Variants in SYNE2 observed in about 807,000 individuals in gnomAD.
SYNE2 encodes nesprin-2.
A neutral mutation model predicts 856.3 loss-of-function variants in SYNE2; 431 were observed. That is an observed-to-expected ratio of 0.50 (90% CI 0.47 to 0.55). SYNE2 has a LOEUF of 0.55. SYNE2 is among the 20% of genes least tolerant of loss of function. The pLI, the probability that SYNE2 is intolerant of heterozygous loss-of-function variation, is 0.00. For synonymous variants in SYNE2, 2,923 were observed against 2,872.3 expected (o/e 1.02, Z -0.56); for missense variants, 8,129 against 8,023.2 (o/e 1.01, Z -0.50).
intron 45 of SYNE2, among the ~76,000 whole-genome samples, chr14:64,043,706 G>A (rs2097165944): frequency 6.6e-6 from 1 of 152,224 alleles, no homozygotes; most frequent in African/African-American, 2.4e-5. Flanking sequence ...GTCAAGAAAT[G>A]AGGTTTGTGA....
chr14:63,903,577 C>T (rs1204155309), intron 1 of SYNE2, among the ~76,000 whole-genome samples: 1 of 152,162 alleles, frequency 6.6e-6, no homozygotes, highest in Non-Finnish European at 1.5e-5. Context: ...AATCCTCCCA[C>T]CTCAGACTCC....
At chr14:63,996,838 A>G in intron 23 of SYNE2, 109 bp from the exon 24 acceptor site, 4 of 1,044,730 alleles carry the variant, frequency 3.8e-6, no homozygotes, top group Non-Finnish European at 5.8e-6. Context: ...TAGATGGCCT[A>G]TACAAGAACA....
chr14:64,068,142 T>G (rs1439843700), intron 51 of SYNE2, among the ~76,000 whole-genome samples: 1 of 152,196 alleles, frequency 6.6e-6, no homozygotes, highest in Non-Finnish European at 1.5e-5. Flanking sequence ...GCAACTATTT[T>G]ACTGATGCTA....
intron 30 of SYNE2, among the ~76,000 whole-genome samples, chr14:64,004,639 C>G (rs1164823274): frequency 2.0e-5 from 3 of 152,072 alleles, no homozygotes; most frequent in Non-Finnish European, 4.4e-5. Flanking sequence ...CTCTTCCCCC[C>G]TTTCTAAATC....
Position 63,993,970 on chromosome 14 carries a change from G to A in SYNE2, c.2781+1G>A, listed in dbSNP as rs753394981. On this transcript the variant is annotated splice_donor_variant, in intron 22 of 115. Coordinates refer to ENST00000555002, the MANE Select transcript of SYNE2 (RefSeq NM_182914.3). LOFTEE classifies it high-confidence loss of function. ...TAGAGATGTCTGTGCCAAATGGGAG[G>A]TAAGAACATGCATATGTTTCTGAAC... 6.2e-7 allele frequency: 1 copy of A among 1,613,610 alleles called. No individual in the cohort carries two copies. Among genetic ancestry groups the A allele is most frequent in the South Asian group, 1.1e-5 (1 of 91,038 alleles).
rs2096627536 is a variant in SYNE2, at chr14:63,986,596, C to G, written c.2292C>G (p.Thr764=). 1.2e-6 allele frequency: 2 copies of G among 1,614,022 alleles called. No individual in the cohort carries two copies. Among genetic ancestry groups the G allele is most frequent in the Non-Finnish European group, 1.7e-6 (2 of 1,179,994 alleles). Residue 764 remains threonine, a synonymous_variant, in exon 19 of 116, where the codon ACC becomes ACG. Transcript: ENST00000555002. ...TTTTGGATCAAGATGATGTGGACACCTCAATGGAAGAATCTTTGAAGGTAT... is the reference window on the plus strand; with the variant it reads ...TTTTGGATCAAGATGATGTGGACACGTCAATGGAAGAATCTTTGAAGGTAT... ...KSVLDQDDVD[T]SMEESLKHLI...
At chr14:63,974,882 GTGTGTGTGTGTATATATA>G (rs1194853063) in intron 11 of SYNE2, among the ~76,000 whole-genome samples, 3 of 27,142 alleles carry the variant, frequency 1.1e-4, no homozygotes, top group Non-Finnish European at 2.2e-4. Context: ...GTGTGTGTGT[GTGTGTGTGTGTATATATA>G]TATATATATA....
rs2096989785 is a variant in SYNE2, at chr14:64,027,465, A to C, written c.6405-19A>C. 6.6e-7 allele frequency: 1 copy of C among 1,513,000 alleles called. No individual in the cohort carries two copies. Among genetic ancestry groups the C allele is most frequent in the Non-Finnish European group, 9.0e-7 (1 of 1,107,854 alleles). 93.7% of individuals were successfully genotyped at this position (1,513,000 alleles called of 1,614,324 possible). A position where few individuals can be genotyped will look rare whatever the true frequency, so the allele number is the denominator to read the frequency against. ...TTGCTAAATATCATTTAATTTATAA[A>C]ATATTTTGTGAAATTTAGCCATCAA... On this transcript the variant is annotated intron_variant, in intron 42 of 115. Coordinates refer to ENST00000555002, the MANE Select transcript of SYNE2 (RefSeq NM_182914.3).
chr14:63,951,341 C>T lies in SYNE2; in HGVS notation c.590+1335C>T, dbSNP rs150085216. Reference sequence around the variant, plus strand: ...TTTTGAGAGAGAGTTTCGCTCTTGTCGCCCAGGCTGGAGTGCAGTGGCACG... The same window carrying T: ...TTTTGAGAGAGAGTTTCGCTCTTGTTGCCCAGGCTGGAGTGCAGTGGCACG... On this transcript the variant is annotated intron_variant, in intron 7 of 115. Transcript: ENST00000555002. 3.4e-3 allele frequency among the ~76,000 whole-genome samples: 510 copies of T among 152,066 alleles called. 3 individuals are homozygous for T. Among genetic ancestry groups the T allele is most frequent in the African/African-American group, 0.011 (465 of 41,476 alleles).
At chr14:64,004,016 C>A (rs956003964) in intron 30 of SYNE2, among the ~76,000 whole-genome samples, 6 of 151,972 alleles carry the variant, frequency 3.9e-5, no homozygotes, top group Non-Finnish European at 8.8e-5. Flanking sequence ...CCCTTCTCCT[C>A]CCCTGTCCTC....
At chr14:64,127,692 G>A (rs2097962277) in intron 73 of SYNE2, among the ~76,000 whole-genome samples, 1 of 152,140 alleles carries the variant, frequency 6.6e-6, no homozygotes, top group Non-Finnish European at 1.5e-5. Flanking sequence ...GAAGAGTTAG[G>A]AAGCTACTAA....
intron 1 of SYNE2, among the ~76,000 whole-genome samples, chr14:63,904,082 T>C (rs1374389653): frequency 1.3e-5 from 2 of 152,218 alleles, no homozygotes; most frequent in African/African-American, 4.8e-5. Flanking sequence ...TTATTGGTTT[T>C]CTGTTCCTGT....
intron 2 of SYNE2, among the ~76,000 whole-genome samples, chr14:63,913,038 A>G (rs1470987249): frequency 3.9e-5 from 6 of 151,966 alleles, no homozygotes. Flanking sequence ...GGCTCAAGTG[A>G]TCTTCCCACC....
chr14:63,802,745 TCTTC>T (rs1323181266), intron 1 of SYNE2, among the ~76,000 whole-genome samples: 1 of 152,112 alleles, frequency 6.6e-6, no homozygotes, highest in Non-Finnish European at 1.5e-5. Context: ...GTTCGGAGTT[TCTTC>T]CTTATGGTGG....
chr14:64,047,984 T>A lies in SYNE2; in HGVS notation c.7222-16T>A. The A allele has an allele frequency of 6.2e-7, 1 of 1,612,876 alleles. No individual in the cohort carries two copies. Among genetic ancestry groups the A allele is most frequent in the African/African-American group, 1.3e-5 (1 of 75,034 alleles). Reference sequence around the variant, plus strand: ...AAAGTAGACTATTCAGCAATTAATCTTTTTATGTATTTCAGGATTCAGCTG... The same window carrying A: ...AAAGTAGACTATTCAGCAATTAATCATTTTATGTATTTCAGGATTCAGCTG... On this transcript the variant is annotated splice_polypyrimidine_tract_variant and intron_variant, in intron 45 of 115. Transcript: ENST00000555002.
At chr14:64,011,735 C>T (rs2096847309) in intron 32 of SYNE2, among the ~76,000 whole-genome samples, 1 of 152,150 alleles carries the variant, frequency 6.6e-6, no homozygotes, top group Non-Finnish European at 1.5e-5. Flanking sequence ...TGCGTGTGGC[C>T]TGTCTGCTGC....
chr14:63,979,065 G>A (rs1474897755), intron 14 of SYNE2, 51 bp downstream of exon 14: 13 of 1,587,614 alleles, frequency 8.2e-6, no homozygotes, highest in Middle Eastern at 1.7e-4. Flanking sequence ...TCTGGGTGCT[G>A]TGTTTGCATT....
At position 64,202,902 on chromosome 14, in the gene SYNE2, A is replaced by T. The variant is rs2139992000; in HGVS notation, c.18140A>T (p.Lys6047Met). Residue 6047 changes from lysine to methionine, a missense_variant, in exon 100 of 116, where the codon AAG (lysine) becomes ATG (methionine). Lys to Met is a moderately conservative substitution (Grantham distance 95). Around this residue, in one of 3 missense-constraint regions of SYNE2, gnomAD observed 5,410 missense variants for 5,284.8 expected, o/e 1.02. Coordinates refer to ENST00000555002, the MANE Select transcript of SYNE2 (RefSeq NM_182914.3). ...GCTCGAATTGAGTCTGAGCTTTCCAAGCCTGTTGTTTATGATGTCTGCGAT... is the reference window on the plus strand; with the variant it reads ...GCTCGAATTGAGTCTGAGCTTTCCATGCCTGTTGTTTATGATGTCTGCGAT... ...WLARIESELS[K>M]PVVYDVCDDQ... is the part of the protein sequence containing the mutation. 1.2e-6 allele frequency: 2 copies of T among 1,614,210 alleles called. No homozygotes were observed. Among genetic ancestry groups the T allele is most frequent in the Non-Finnish European group, 1.7e-6 (2 of 1,180,026 alleles).
At chr14:63,885,972 T>C (rs1407874351) in intron 1 of SYNE2, among the ~76,000 whole-genome samples, 1 of 152,186 alleles carries the variant, frequency 6.6e-6, no homozygotes, top group African/African-American at 2.4e-5. Context: ...GCTAAATAGA[T>C]GCTGATTTTC....
Sources: allele counts gnomAD v4.1 joint callset (sites outside exome capture counted in the v4.1 genomes callset), GRCh38; gene constraint gnomAD v4.1.1; regional missense constraint gnomAD v4.1.1; transcripts MANE v1.5; gene names NCBI Gene and HGNC (gene_info 2026-07-23, HGNC 2026-07-21).